SLC35A1: variants seen among roughly 807,000 people sequenced by gnomAD.
SLC35A1 encodes solute carrier family 35 member A1.
A neutral mutation model predicts 40.3 loss-of-function variants in SLC35A1; 21 were observed. The observed-to-expected ratio is 0.52, with a 90% CI of 0.37 to 0.75. The LOEUF (loss-of-function observed/expected upper bound fraction) is 0.75. SLC35A1 is among the 30% of genes least tolerant of loss of function. The probability of loss-of-function intolerance (pLI) is 0.00; values close to 1 mark genes in which losing one functional copy is unlikely to be tolerated. For synonymous variants in SLC35A1, 146 were observed against 147.3 expected, an observed-to-expected ratio of 0.99 and a Z score of 0.06; for missense variants, 297 against 382.1, an observed-to-expected ratio of 0.78 and a Z score of 1.86.
chr6:87,509,319 C>T lies in SLC35A1; in HGVS notation c.886+144C>T, dbSNP rs2273130. ...GTTACTACAGTTTATTCCACCAGTA[C>T]AGCTGTTCATAGTTGTGTGGGATGT... On this transcript the variant is annotated intron_variant, in intron 7 of 7. Transcript: ENST00000369552. The T allele has an allele frequency of 0.039, 41,220 of 1,062,266 alleles. 1,006 individuals carry two copies. Among genetic ancestry groups the T allele is most frequent in the Non-Finnish European group, 0.046 (32,010 of 697,836 alleles). The allele number at this position is 1,062,266 out of a possible 1,614,324, so 65.8% of individuals were successfully genotyped here.
chr6:87,493,832 G>A (rs1769633562), intron 2 of SLC35A1, among the ~76,000 whole-genome samples: 1 of 127,474 alleles, frequency 7.8e-6, no homozygotes, highest in Non-Finnish European at 1.6e-5. Flanking sequence ...TTTGGCTTCT[G>A]TTTGTATTTA....
chr6:87,506,282 T>C, intron 4 of SLC35A1, 100 bp from the exon 5 acceptor site: 1 of 914,050 alleles, frequency 1.1e-6, no homozygotes, highest in Non-Finnish European at 1.8e-6. Context: ...GAATATACTT[T>C]TAGTAAGACT....
At chr6:87,475,168 G>C (rs2127961737) in intron 1 of SLC35A1, among the ~76,000 whole-genome samples, 1 of 152,288 alleles carries the variant, frequency 6.6e-6, no homozygotes, top group East Asian at 1.9e-4. Context: ...AGAAACAAAT[G>C]AGCATGGCTA....
intron 2 of SLC35A1, among the ~76,000 whole-genome samples, chr6:87,492,072 C>G (rs190129963): frequency 2.6e-5 from 4 of 152,224 alleles, no homozygotes; most frequent in Admixed American, 2.0e-4. Flanking sequence ...AAGATTTAGA[C>G]AAGATGCTTC....
intron 2 of SLC35A1, among the ~76,000 whole-genome samples, chr6:87,493,478 G>A (rs1033087996): frequency 1.3e-5 from 2 of 149,416 alleles, no homozygotes; most frequent in African/African-American, 2.5e-5. Context: ...GTGTGTGTGT[G>A]TGTGTATAAC....
chr6:87,493,462 T>TTGTGTG (rs71018022), intron 2 of SLC35A1, among the ~76,000 whole-genome samples: 13,966 of 150,466 alleles, frequency 0.093, 680 homozygotes, highest in East Asian at 0.14. Context: ...CTAAATCTAG[T>TTGTGTG]TGTGTGTGTG....
At chr6:87,486,878 G>C (rs1201684347) in intron 2 of SLC35A1, among the ~76,000 whole-genome samples, 2 of 152,032 alleles carry the variant, frequency 1.3e-5, no homozygotes, top group Non-Finnish European at 2.9e-5. Flanking sequence ...AAGTGCATTA[G>C]AAAAATCATT....
At chr6:87,493,205 T>C (rs925669905) in intron 2 of SLC35A1, among the ~76,000 whole-genome samples, 1 of 152,184 alleles carries the variant, frequency 6.6e-6, no homozygotes, top group African/African-American at 2.4e-5. Flanking sequence ...ATGTCCCAGA[T>C]TTGCACAGTG....
chr6:87,510,844 C>A (rs1770240627), intron 7 of SLC35A1, among the ~76,000 whole-genome samples: 1 of 150,622 alleles, frequency 6.6e-6, no homozygotes, highest in Admixed American at 6.6e-5. Context: ...GCACTCCAGC[C>A]TGGGCAACAA....
intron 2 of SLC35A1, among the ~76,000 whole-genome samples, chr6:87,490,420 G>A (rs530163961): frequency 1.4e-5 from 2 of 146,376 alleles, no homozygotes; most frequent in East Asian, 2.1e-4. Flanking sequence ...TGCAGCCTCC[G>A]TCTCCTGGGT....
At chr6:87,484,003 G>A (rs1167897846) in intron 2 of SLC35A1, among the ~76,000 whole-genome samples, 1 of 152,206 alleles carries the variant, frequency 6.6e-6, no homozygotes, top group African/African-American at 2.4e-5. Flanking sequence ...GGTTGTCTGT[G>A]ATCATTCACG....
chr6:87,508,338 T>G (rs1770150945), intron 5 of SLC35A1, 82 bp from the exon 6 acceptor site: 1 of 904,196 alleles, frequency 1.1e-6, no homozygotes, highest in Admixed American at 2.1e-5. Flanking sequence ...TTTATATATC[T>G]CTAGGGTATT....
intron 7 of SLC35A1, among the ~76,000 whole-genome samples, chr6:87,511,121 GTTCT>G (rs1770254421): frequency 6.6e-6 from 1 of 151,980 alleles, no homozygotes; most frequent in Admixed American, 6.6e-5. Flanking sequence ...AATTAGTTAT[GTTCT>G]TTGTCAGAGT....
chr6:87,504,685 TTCA>T (rs1213796342), intron 4 of SLC35A1, among the ~76,000 whole-genome samples: 6 of 152,194 alleles, frequency 3.9e-5, no homozygotes, highest in Admixed American at 6.5e-5. Flanking sequence ...TCACATCTAC[TTCA>T]TCACCCAGCA....
intron 6 of SLC35A1, 38 bp downstream of exon 6, chr6:87,508,634 T>C: frequency 6.5e-7 from 1 of 1,545,434 alleles, no homozygotes; most frequent in East Asian, 2.3e-5. Context: ...AGTAGATCCT[T>C]TATTTTTTTT....
In SLC35A1 at chr6:87,511,581, G is replaced by C; in HGVS notation, c.*55G>C. 6.3e-7 allele frequency: 1 copy of C among 1,580,144 alleles called. No individual in the cohort carries two copies. The highest frequency in any genetic ancestry group is 8.7e-7 in the Non-Finnish European group (1 of 1,149,442). ...ACTAAACCATTTGCATTAAACTAGAGCCTTAAGTCAATCTCAGAAGGTAGC... is the reference window on the plus strand; with the variant it reads ...ACTAAACCATTTGCATTAAACTAGACCCTTAAGTCAATCTCAGAAGGTAGC... On this transcript the variant is annotated 3_prime_UTR_variant, in exon 8 of 8. Coordinates refer to ENST00000369552, the MANE Select transcript of SLC35A1 (RefSeq NM_006416.5).
chr6:87,511,281 A>G (rs1562028818), intron 7 of SLC35A1, 118 bp from the exon 8 acceptor site: 1 of 1,119,194 alleles, frequency 8.9e-7, no homozygotes, highest in Non-Finnish European at 1.3e-6. Context: ...CCTTGCCATC[A>G]TAAAAATATG....
intron 7 of SLC35A1, among the ~76,000 whole-genome samples, chr6:87,511,032 A>G (rs770694774): frequency 1.3e-5 from 2 of 152,122 alleles, no homozygotes; most frequent in Non-Finnish European, 2.9e-5. Context: ...GTCACGGAAA[A>G]GCCAATCCTA....
At position 87,490,937 on chromosome 6, in the gene SLC35A1, C is replaced by A. The variant is rs1389158015; in HGVS notation, c.195-9571C>A. ...ACATCCTCCTTTAAGATTATATTTG[C>A]TGCCTTCAGTTATTCAGAATTGTTG... On this transcript the variant is annotated intron_variant, in intron 2 of 7. Coordinates refer to ENST00000369552, the MANE Select transcript of SLC35A1 (RefSeq NM_006416.5). 1.3e-5 allele frequency among the ~76,000 whole-genome samples: 2 copies of A among 152,208 alleles called. 1 individual carries two copies. The highest frequency in any genetic ancestry group is 4.8e-5 in the African/African-American group (2 of 41,452).
Sources: allele counts gnomAD v4.1 joint callset (sites outside exome capture counted in the v4.1 genomes callset), GRCh38; gene constraint gnomAD v4.1.1; transcripts MANE v1.5; gene names NCBI Gene and HGNC (gene_info 2026-07-23, HGNC 2026-07-21).